Variants in C6 observed in about 807,000 individuals in gnomAD.
The protein encoded by C6 is complement component C6.
Under a neutral mutation model 112.9 loss-of-function variants are expected in C6, and 101 were observed. The observed-to-expected ratio is 0.89, with a 90% CI of 0.76 to 1.06. C6 has a LOEUF of 1.06. Ranked by LOEUF, C6 falls within the 50% of genes least tolerant of loss-of-function variation. The pLI, the probability that C6 is intolerant of heterozygous loss-of-function variation, is 0.00. For missense variants in C6, 1,202 were observed against 1,104.6 expected, an observed-to-expected ratio of 1.09 and a Z score of -1.25; for synonymous variants, 431 against 384.1, an observed-to-expected ratio of 1.12 and a Z score of -1.43.
rs1390475079 is a variant in C6, at chr5:41,153,844, T to C, written c.2256A>G (p.Thr752=). Residue 752 remains threonine (T), a synonymous_variant, in exon 15 of 18, where the codon ACA becomes ACG. Transcript: ENST00000337836. ...AGGTGAGAGAGTTTGAAATGGGTGG[T>C]GTCCAGGAATTCCCCTGGCATGTGT... is the stretch of plus-strand genomic sequence containing the variant. The part of the protein sequence containing the change: ...SRYTCQGNSW[T]PPISNSLTCE... The C allele has an allele frequency of 1.2e-6, 2 of 1,613,362 alleles. No individual in the cohort carries two copies. The highest frequency in any genetic ancestry group is 2.2e-5 in the South Asian group (2 of 91,058).
intron 1 of C6, among the ~76,000 whole-genome samples, chr5:41,254,679 T>A (rs1277736487): frequency 1.3e-5 from 2 of 152,228 alleles, no homozygotes; most frequent in African/African-American, 4.8e-5. Context: ...AATGTAAATG[T>A]TAAGTGATCC....
At chr5:41,241,447 A>T (rs918378438) in intron 1 of C6, among the ~76,000 whole-genome samples, 2 of 152,192 alleles carry the variant, frequency 1.3e-5, no homozygotes, top group Non-Finnish European at 2.9e-5. Flanking sequence ...ATAAATTTGG[A>T]GGAATCAAAA....
At chr5:41,209,735 G>A (rs906665053) in intron 1 of C6, among the ~76,000 whole-genome samples, 7 of 152,172 alleles carry the variant, frequency 4.6e-5, no homozygotes, top group African/African-American at 1.7e-4. Context: ...ACAAATGGAA[G>A]AACATTCCAT....
chr5:41,234,456 T>A (rs749183318), intron 1 of C6, among the ~76,000 whole-genome samples: 16 of 151,808 alleles, frequency 1.1e-4, no homozygotes, highest in Non-Finnish European at 2.4e-4. Flanking sequence ...TCCCACATGC[T>A]TGGTCTTGTA....
intron 1 of C6, among the ~76,000 whole-genome samples, chr5:41,227,985 T>C (rs937731563): frequency 6.6e-5 from 10 of 152,164 alleles, no homozygotes; most frequent in Admixed American, 1.3e-4. Flanking sequence ...TTAGGATTTG[T>C]TTTTCTGTTT....
chr5:41,222,547 A>G (rs1050722951), intron 1 of C6, among the ~76,000 whole-genome samples: 2 of 152,146 alleles, frequency 1.3e-5, no homozygotes, highest in African/African-American at 4.8e-5. Flanking sequence ...TAAAGTTTCT[A>G]ACAAGTTTCC....
intron 4 of C6, 79 bp downstream of exon 4, chr5:41,199,686 TCTA>T (rs1379761856): frequency 7.5e-7 from 1 of 1,331,428 alleles, no homozygotes; most frequent in Non-Finnish European, 1.1e-6. Flanking sequence ...TGTGATGGAT[TCTA>T]CTGTTAGTCA....
Position 41,177,179 on chromosome 5 carries a change from G to A in C6, c.928-464C>T, listed in dbSNP as rs556537192. On this transcript the variant is annotated intron_variant, in intron 7 of 17. Coordinates refer to ENST00000337836, the MANE Select transcript of C6 (RefSeq NM_000065.5). Reference sequence around the variant, plus strand: ...TTTGTCATTCTGGAAAAAGCGTTTCGATTCTCTAGACTTCAGTTGTCAAAT... The same window carrying A: ...TTTGTCATTCTGGAAAAAGCGTTTCAATTCTCTAGACTTCAGTTGTCAAAT... 6.6e-5 allele frequency among the ~76,000 whole-genome samples: 10 copies of A among 152,312 alleles called. No homozygotes were observed. In the South Asian group the frequency reaches 2.1e-3, roughly 32 times the overall value.
chr5:41,166,382 T>A (rs141998872), intron 9 of C6, among the ~76,000 whole-genome samples: 1 of 152,146 alleles, frequency 6.6e-6, no homozygotes, highest in East Asian at 1.9e-4. Context: ...TGCCTCTGTG[T>A]CCTCATCTAT....
chr5:41,172,441 A>G, intron 8 of C6, 94 bp from the exon 9 acceptor site: 1 of 1,203,696 alleles, frequency 8.3e-7, no homozygotes, highest in Non-Finnish European at 1.2e-6. Flanking sequence ...ATCTACAGAT[A>G]CTTTATATTA....
In C6 at chr5:41,144,574, C is replaced by A. The variant is rs74947550; in HGVS notation, c.2624-1568G>T. ...GGACCACAATGTCTGACCAGATTTT[C>A]TCTTTTTTCTTTTTCTTAACTTTTA... On this transcript the variant is annotated intron_variant, in intron 17 of 17. Transcript: ENST00000337836. Among the ~76,000 whole-genome samples the A allele has an allele frequency of 1.4e-3, 220 of 152,242 alleles. 6 individuals are homozygous for A. In the East Asian group the frequency reaches 0.038, roughly 26 times the overall value.
chr5:41,148,170 T>G (rs922256541), intron 17 of C6, among the ~76,000 whole-genome samples: 2 of 152,208 alleles, frequency 1.3e-5, no homozygotes, highest in Non-Finnish European at 2.9e-5. Flanking sequence ...ATGATGGCAC[T>G]ATTTATGATA....
In C6 at chr5:41,213,369, T is replaced by C; in HGVS notation, c.-21+7A>G. The C allele has an allele frequency of 1.5e-5, 15 of 972,450 alleles. No homozygotes were observed. The highest frequency in any genetic ancestry group is 1.8e-5 in the Non-Finnish European group (15 of 818,110). The allele number at this position is 972,450 out of a possible 1,614,324, so 60.2% of individuals were successfully genotyped here. On this transcript the variant is annotated splice_region_variant and intron_variant, in intron 1 of 17. Coordinates refer to ENST00000337836, the MANE Select transcript of C6 (RefSeq NM_000065.5). ...AAGATTGAAAATGAAATCATCATAT[T>C]ACTCACCTTTAAGCAGAGTTTGTGG...
chr5:41,240,840 T>C (rs990161849), intron 1 of C6, among the ~76,000 whole-genome samples: 6 of 152,074 alleles, frequency 3.9e-5, no homozygotes, highest in African/African-American at 1.4e-4. Flanking sequence ...GGGCTTCTCT[T>C]TAGGTCTCCC....
intron 12 of C6, 60 bp downstream of exon 12, chr5:41,159,020 ACT>A: frequency 6.5e-7 from 1 of 1,546,320 alleles, no homozygotes; most frequent in African/African-American, 1.4e-5. Flanking sequence ...AACCATTTGA[ACT>A]CTCAATGTTA....
At chr5:41,195,659 G>A in intron 5 of C6, 133 bp downstream of exon 5, 5 of 935,756 alleles carry the variant, frequency 5.3e-6, no homozygotes, top group Middle Eastern at 2.4e-4. Context: ...TGGTAGCTAA[G>A]TATCAGAGAT....
rs1747177553 is a variant in C6, at chr5:41,158,793, G to A, written c.1857-8C>T. ...TTGATACATGGTTGTCCACTAAAAGGGAAACATAAATATGTGTGTATATGT... is the reference window on the plus strand; with the variant it reads ...TTGATACATGGTTGTCCACTAAAAGAGAAACATAAATATGTGTGTATATGT... On this transcript the variant is annotated splice_polypyrimidine_tract_variant and splice_region_variant and intron_variant, in intron 12 of 17. Coordinates refer to ENST00000337836, the MANE Select transcript of C6 (RefSeq NM_000065.5). 6.8e-7 allele frequency: 1 copy of A among 1,466,150 alleles called. No homozygotes were observed. Among genetic ancestry groups the A allele is most frequent in the Non-Finnish European group, 9.6e-7 (1 of 1,045,460 alleles). The allele number at this position is 1,466,150 out of a possible 1,614,324, so 90.8% of individuals were successfully genotyped here. A position where few individuals can be genotyped will look rare whatever the true frequency, so the allele number is the denominator to read the frequency against.
chr5:41,252,951 G>A (rs1392608016), intron 1 of C6, among the ~76,000 whole-genome samples: 1 of 152,090 alleles, frequency 6.6e-6, no homozygotes, highest in African/African-American at 2.4e-5. Context: ...GTAAAACCAA[G>A]CTGTAACTCA....
At chr5:41,220,685 T>C (rs1330903237) in intron 1 of C6, among the ~76,000 whole-genome samples, 4 of 152,186 alleles carry the variant, frequency 2.6e-5, no homozygotes, top group Non-Finnish European at 5.9e-5. Context: ...TGGTCATTTA[T>C]ATACATTCTT....
Sources: allele counts gnomAD v4.1 joint callset (sites outside exome capture counted in the v4.1 genomes callset), GRCh38; gene constraint gnomAD v4.1.1; transcripts MANE v1.5; gene names NCBI Gene and HGNC (gene_info 2026-07-23, HGNC 2026-07-21).